EXTL3: variants seen among roughly 807,000 people sequenced by gnomAD.
EXTL3 encodes the protein exostosin like glycosyltransferase 3, also known as exostosin-like 3.
A neutral mutation model predicts 69.3 loss-of-function variants in EXTL3; 27 were observed. The ratio of observed to expected loss-of-function variants is 0.39; its 90% CI spans 0.29 to 0.54. EXTL3 has a LOEUF of 0.54. EXTL3 is among the 20% of genes least tolerant of loss of function. The probability of loss-of-function intolerance (pLI) is 0.69; values close to 1 mark genes in which losing one functional copy is unlikely to be tolerated. For synonymous variants in EXTL3, 511 were observed against 499.4 expected (o/e 1.02, Z -0.31); for missense variants, 1,003 against 1,231.8 (o/e 0.81, Z 2.78).
rs373142026 is a variant in EXTL3, at chr8:28,679,558, G to A, written c.-52-33899G>A. Among the ~76,000 whole-genome samples, 20 of 151,948 alleles carry A rather than the reference G, an allele frequency of 1.3e-4. No individual in the cohort carries two copies. The East Asian group carries it at 3.5e-3, about 27-fold the overall frequency. Reference sequence around the variant, plus strand: ...TTCAAGAGCAGCCTGGGCAACACAGGGAGACCCTGTTTCTACAAAAAACTA... The same window carrying A: ...TTCAAGAGCAGCCTGGGCAACACAGAGAGACCCTGTTTCTACAAAAAACTA... On this transcript the variant is annotated intron_variant, in intron 1 of 6. Coordinates refer to the EXTL3 transcript ENST00000523149.
At chr8:28,710,473 C>T (rs980417122) in intron 1 of EXTL3, 5 of 456,056 alleles carry the variant, frequency 1.1e-5, no homozygotes, top group African/African-American at 2.0e-5. Flanking sequence ...TGGGTGAGAA[C>T]GCAAGACACT....
At chr8:28,632,223 A>G (rs1410809865) in intron 1 of EXTL3, among the ~76,000 whole-genome samples, 3 of 152,064 alleles carry the variant, frequency 2.0e-5, no homozygotes, top group Admixed American at 1.3e-4. Flanking sequence ...CCTGACCAAC[A>G]TGGTGAAACC....
chr8:28,685,588 A>G (rs985608491), intron 1 of EXTL3, among the ~76,000 whole-genome samples: 3 of 151,840 alleles, frequency 2.0e-5, no homozygotes, highest in Admixed American at 6.6e-5. Flanking sequence ...TCCGCTTCCT[A>G]AAGGGCTGGG....
intron 1 of EXTL3, among the ~76,000 whole-genome samples, chr8:28,647,107 C>CTT (rs773651622): frequency 1.4e-5 from 2 of 143,588 alleles, no homozygotes; most frequent in African/African-American, 2.5e-5. Flanking sequence ...TAATTTAGTT[C>CTT]TTTTTTTTTT....
chr8:28,699,675 A>C (rs537075914), upstream of EXTL3: 1 of 152,326 alleles, frequency 6.6e-6, no homozygotes, highest in Non-Finnish European at 1.5e-5. Context: ...CGCCCAGCTA[A>C]TTTTTGTATT....
At chr8:28,696,477 G>A (rs1800687933) in intron 1 of EXTL3, 1 of 152,102 alleles carries the variant, frequency 6.6e-6, no homozygotes, top group African/African-American at 2.4e-5. Flanking sequence ...TTTAACATTG[G>A]GAGAGTCAGC....
chr8:28,626,709 C>G (rs530421548), intron 1 of EXTL3, among the ~76,000 whole-genome samples: 1 of 152,264 alleles, frequency 6.6e-6, no homozygotes, highest in African/African-American at 2.4e-5. Flanking sequence ...CTGGTGAGGG[C>G]AGAGGCACAA....
chr8:28,658,698 A>G (rs754413600), intron 1 of EXTL3, among the ~76,000 whole-genome samples: 2 of 152,096 alleles, frequency 1.3e-5, no homozygotes, highest in Admixed American at 1.3e-4. Context: ...CTTCTGCCTC[A>G]GCCTCCTGAG....
At chr8:28,722,502 G>A (rs528188025) in intron 3 of EXTL3, among the ~76,000 whole-genome samples, 3 of 152,178 alleles carry the variant, frequency 2.0e-5, no homozygotes, top group East Asian at 1.9e-4. Flanking sequence ...AGTGCCGGGC[G>A]CAGTGGCTCA....
At chr8:28,619,266 T>TAAAAAAAAAAAAAAAAAAAAA (rs755355444), upstream of EXTL3, among the ~76,000 whole-genome samples, 2 of 64,656 alleles carry the variant, frequency 3.1e-5, no homozygotes, top group Non-Finnish European at 5.5e-5. Context: ...AGCTTAGTGA[T>TAAAAAAAAAAAAAAAAAAAAA]AAAAAAAAAA....
chr8:28,678,158 C>T (rs181689154), intron 1 of EXTL3: 44 of 152,574 alleles, frequency 2.9e-4, no homozygotes, highest in African/African-American at 1.0e-3. Context: ...TGTGGGCAGA[C>T]ATCTACAAAA....
chr8:28,729,648 T>C (rs924301144), intron 3 of EXTL3, among the ~76,000 whole-genome samples: 2 of 149,114 alleles, frequency 1.3e-5, no homozygotes, highest in African/African-American at 5.0e-5. Flanking sequence ...GGCTTTGGTT[T>C]GAAGAAGTTT....
chr8:28,652,427 TGGGA>T (rs1806938826), intron 1 of EXTL3, among the ~76,000 whole-genome samples: 1 of 151,354 alleles, frequency 6.6e-6, no homozygotes, highest in East Asian at 1.9e-4. Flanking sequence ...GAGGCCAAGG[TGGGA>T]GGATTGCTTG....
At chr8:28,742,800 T>C in intron 5 of EXTL3, 2 of 412,088 alleles carry the variant, frequency 4.9e-6, no homozygotes, top group Non-Finnish European at 9.2e-6. Context: ...TGACCTAGTT[T>C]GACAAATCTT....
At chr8:28,711,448 C>T (rs1801029283) in intron 1 of EXTL3, among the ~76,000 whole-genome samples, 1 of 152,158 alleles carries the variant, frequency 6.6e-6, no homozygotes, top group South Asian at 2.1e-4. Flanking sequence ...CTGTTTTAGC[C>T]ATGTTCCCAT....
intron 1 of EXTL3, among the ~76,000 whole-genome samples, chr8:28,703,688 C>T (rs930547821): frequency 4.5e-4 from 68 of 152,076 alleles, no homozygotes; most frequent in Non-Finnish European, 8.7e-4. Context: ...TCCCATCAGA[C>T]CTACTCTTGG....
chr8:28,749,034 C>T (rs1563226899), intron 6 of EXTL3, among the ~76,000 whole-genome samples: 2 of 152,184 alleles, frequency 1.3e-5, no homozygotes, highest in Non-Finnish European at 2.9e-5. Context: ...AGAAATTACT[C>T]TCAGCAGAGG....
rs577044666 is a variant in EXTL3 at position 28,692,631 on chromosome 8, TCA to T, written c.-52-20825_-52-20824del. 7.9e-5 allele frequency among the ~76,000 whole-genome samples: 12 copies of T among 152,318 alleles called. No individual in the cohort carries two copies. The South Asian group carries it at 1.4e-3, about 18-fold the overall frequency. ...ATAATTAGTTTTGGAAATTGCACTT[TCA>T]GTTTTGATTTTACAGCCAAATTGGT... On this transcript the variant is annotated intron_variant, in intron 1 of 6. Transcript: ENST00000523149.
At chr8:28,707,875 A>C (rs540597075) in intron 1 of EXTL3, among the ~76,000 whole-genome samples, 1 of 152,338 alleles carries the variant, frequency 6.6e-6, no homozygotes, top group Non-Finnish European at 1.5e-5. Context: ...CAATGGCATA[A>C]TTTTCAAATT....
Sources: allele counts gnomAD v4.1 joint callset (sites outside exome capture counted in the v4.1 genomes callset), GRCh38; gene constraint gnomAD v4.1.1; transcripts MANE v1.5; gene names NCBI Gene and HGNC (gene_info 2026-07-23, HGNC 2026-07-21).